GRAMD1B: variants seen among roughly 807,000 people sequenced by gnomAD.
The protein encoded by GRAMD1B is protein Aster-B.
In GRAMD1B, 37 loss-of-function variants were observed where a neutral mutation model predicts 99.7. The ratio of observed to expected loss-of-function variants is 0.37; its 90% CI spans 0.29 to 0.49. GRAMD1B has a LOEUF of 0.49. Among genes scored for constraint, GRAMD1B ranks in the 20% least tolerant of loss-of-function variants. GRAMD1B has a pLI of 0.98. For missense variants in GRAMD1B, 888 were observed against 1,009.2 expected (o/e 0.88, Z 1.63); for synonymous variants, 427 against 387.6 (o/e 1.10, Z -1.19).
chr11:123,531,303 A>G (rs1388058166), intron 2 of GRAMD1B, among the ~76,000 whole-genome samples: 5 of 152,038 alleles, frequency 3.3e-5, no homozygotes, highest in African/African-American at 1.2e-4. Context: ...GAAACTTCTG[A>G]CTCTACAGAT....
intron 1 of GRAMD1B, among the ~76,000 whole-genome samples, chr11:123,440,434 G>A (rs1335023849): frequency 2.0e-5 from 3 of 152,110 alleles, no homozygotes; most frequent in South Asian, 4.1e-4. Context: ...CGTTTAAACC[G>A]GGAAACAGTG....
At chr11:123,396,245 T>A (rs1407076419) in intron 1 of GRAMD1B, among the ~76,000 whole-genome samples, 1 of 151,340 alleles carries the variant, frequency 6.6e-6, no homozygotes, top group Non-Finnish European at 1.5e-5. Flanking sequence ...CTTCCCCATA[T>A]GCATTTTTTT....
At chr11:123,612,373 TCTTA>T (rs965349268) in intron 14 of GRAMD1B, among the ~76,000 whole-genome samples, 3 of 152,196 alleles carry the variant, frequency 2.0e-5, no homozygotes, top group African/African-American at 7.2e-5. Flanking sequence ...GGATGAGCCG[TCTTA>T]CTTTCTTTCA....
At chr11:123,496,806 A>G (rs977052602) in intron 2 of GRAMD1B, among the ~76,000 whole-genome samples, 3 of 152,032 alleles carry the variant, frequency 2.0e-5, no homozygotes, top group Non-Finnish European at 4.4e-5. Flanking sequence ...ATTCATTTTA[A>G]TAATTTCAAT....
At chr11:123,511,369 C>T (rs1193552464) in intron 2 of GRAMD1B, among the ~76,000 whole-genome samples, 1 of 152,164 alleles carries the variant, frequency 6.6e-6, no homozygotes, top group Non-Finnish European at 1.5e-5. Flanking sequence ...GGCCCGGGCA[C>T]CTCCAGGGAA....
In GRAMD1B at chr11:123,422,382, G is replaced by A. The variant is rs576424306; in HGVS notation, c.-175-58434G>A. Among the ~76,000 whole-genome samples, 28 of 152,298 alleles carry A rather than the reference G, an allele frequency of 1.8e-4. No homozygotes were observed. In the South Asian group the frequency reaches 5.2e-3, roughly 28 times the overall value. On this transcript the variant is annotated intron_variant, in intron 1 of 20. Transcript: ENST00000638157. ...TTTGCAGAAAGATAAACCTCTCAAG[G>A]TACAGTAGGAATGGTTGTCCAGAGC...
rs1011131483 is a variant in GRAMD1B at position 123,492,347 on chromosome 11, T to G, written c.452+11454T>G. On this transcript the variant is annotated intron_variant, in intron 2 of 19. Transcript: ENST00000635736. This position sits in a 1 kb window ranked among gnomAD's most constrained non-coding sequence, Gnocchi z 4.2. ...CGTCTCTGGGGTGTGGATCATTCTC[T>G]TCCACTTACAGAGACCTAAGCAGTA... Among the ~76,000 whole-genome samples the G allele has an allele frequency of 1.3e-5, 2 of 152,146 alleles. No individual in the cohort carries two copies. The highest frequency in any genetic ancestry group is 4.8e-5 in the African/African-American group (2 of 41,440).
At chr11:123,525,910 C>G (rs548051017) in intron 2 of GRAMD1B, 2 of 550,570 alleles carry the variant, frequency 3.6e-6, no homozygotes, top group Non-Finnish European at 6.5e-6. Context: ...GCTGGATTTG[C>G]AGAATCTGTC....
At chr11:123,360,893 T>C (rs1387276141) in intron 1 of GRAMD1B, among the ~76,000 whole-genome samples, 1 of 151,014 alleles carries the variant, frequency 6.6e-6, no homozygotes, top group Non-Finnish European at 1.5e-5. Flanking sequence ...CTGGGCTCAC[T>C]GCAACCTCCG....
chr11:123,395,458 T>TAACAAC (rs769239736), intron 1 of GRAMD1B, among the ~76,000 whole-genome samples: 3 of 151,832 alleles, frequency 2.0e-5, no homozygotes, highest in Non-Finnish European at 4.4e-5. Flanking sequence ...CTGCCCTCAT[T>TAACAAC]AACAACAACA....
intron 3 of GRAMD1B, among the ~76,000 whole-genome samples, chr11:123,583,498 G>A (rs137949953): frequency 3.7e-4 from 57 of 152,224 alleles, no homozygotes; most frequent in African/African-American, 6.0e-4. Context: ...GTCTATCTGC[G>A]TGTCCATCTA....
At chr11:123,504,305 G>A (rs1341938134) in intron 2 of GRAMD1B, among the ~76,000 whole-genome samples, 5 of 152,174 alleles carry the variant, frequency 3.3e-5, no homozygotes, top group Non-Finnish European at 7.3e-5. Flanking sequence ...TGTCCAGCCC[G>A]CAAGGACTTG....
intron 5 of GRAMD1B, 43 bp from the exon 6 acceptor site, chr11:123,594,692 T>C (rs367962685): frequency 9.6e-7 from 1 of 1,039,150 alleles, no homozygotes; most frequent in Non-Finnish European, 1.5e-6. Context: ...TTGCCGAAAA[T>C]GCTTCCTGCC....
intron 1 of GRAMD1B, among the ~76,000 whole-genome samples, chr11:123,433,082 G>A (rs1412378300): frequency 2.6e-5 from 4 of 152,064 alleles, no homozygotes; most frequent in East Asian, 3.9e-4. Flanking sequence ...GGCCAGGGGC[G>A]GTGGCTAATG....
upstream of GRAMD1B, among the ~76,000 whole-genome samples, chr11:123,425,901 AG>A (rs1948630938): frequency 6.6e-6 from 1 of 152,328 alleles, no homozygotes; most frequent in South Asian, 2.1e-4. Context: ...AAGAAACAAA[AG>A]GAGATACCAT....
chr11:123,572,475 A>G (rs183768942), intron 2 of GRAMD1B, among the ~76,000 whole-genome samples: 73 of 152,368 alleles, frequency 4.8e-4, no homozygotes, highest in African/African-American at 1.5e-3. Flanking sequence ...ATCCAAATCC[A>G]TGGGATAATG....
Position 123,621,196 on chromosome 11 carries a change from C to T in GRAMD1B, c.2545-1310C>T, listed in dbSNP as rs1027783079. ...GAAAGTGGTAGATTAAGCAGAGAGACCAGACTTTCCCTAAATCCGTAACCA... is the reference window on the plus strand; with the variant it reads ...GAAAGTGGTAGATTAAGCAGAGAGATCAGACTTTCCCTAAATCCGTAACCA... On this transcript the variant is annotated intron_variant, in intron 19 of 19. Coordinates refer to ENST00000635736, the MANE Select transcript of GRAMD1B (RefSeq NM_001387025.1). 3.3e-5 allele frequency among the ~76,000 whole-genome samples: 5 copies of T among 152,112 alleles called. No homozygotes were observed. The East Asian group carries it at 9.6e-4, about 29-fold the overall frequency.
chr11:123,368,241 G>A (rs779663142), intron 1 of GRAMD1B, among the ~76,000 whole-genome samples: 11 of 112,064 alleles, frequency 9.8e-5, no homozygotes, highest in African/African-American at 2.3e-4. Flanking sequence ...GCGACAGTGC[G>A]AAACTACATC....
Position 123,508,405 on chromosome 11 carries a change from A to G in GRAMD1B, c.452+27512A>G, listed in dbSNP as rs778384423. 5.9e-5 allele frequency among the ~76,000 whole-genome samples: 9 copies of G among 152,290 alleles called. No homozygotes were observed. In the Middle Eastern group the frequency reaches 0.01, roughly 173 times the overall value. ...GACCTAATTACCTGTTAAAGGTTCC[A>G]CCTCTTAATACTATACTGTTACAGT... On this transcript the variant is annotated intron_variant, in intron 2 of 19. Coordinates refer to ENST00000635736, the MANE Select transcript of GRAMD1B (RefSeq NM_001387025.1).
Sources: allele counts gnomAD v4.1 joint callset (sites outside exome capture counted in the v4.1 genomes callset), GRCh38; gene constraint gnomAD v4.1.1; non-coding constraint Gnocchi (gnomAD v3.1); transcripts MANE v1.5; gene names NCBI Gene and HGNC (gene_info 2026-07-23, HGNC 2026-07-21).